ADGRL3: variants seen among roughly 807,000 people sequenced by gnomAD.
ADGRL3 encodes the protein calcium-independent alpha-latrotoxin receptor 3.
A neutral mutation model predicts 153.5 loss-of-function variants in ADGRL3; 62 were observed. The observed-to-expected ratio is 0.40, with a 90% CI of 0.33 to 0.50. The LOEUF (loss-of-function observed/expected upper bound fraction) is 0.50. Ranked by LOEUF, ADGRL3 falls within the 20% of genes least tolerant of loss-of-function variation. ADGRL3 has a pLI of 0.47. For synonymous variants in ADGRL3, 710 were observed against 672.5 expected (o/e 1.06, Z -0.86); for missense variants, 1,641 against 1,859.4 (o/e 0.88, Z 2.16).
intron 5 of ADGRL3, among the ~76,000 whole-genome samples, chr4:61,604,246 G>T (rs2099023286): frequency 6.6e-6 from 1 of 152,060 alleles, no homozygotes; most frequent in Non-Finnish European, 1.5e-5. Context: ...GCTGAGACCT[G>T]GATGCCTTCA....
intron 4 of ADGRL3, among the ~76,000 whole-genome samples, chr4:61,530,159 C>G (rs1381655443): frequency 1.3e-5 from 2 of 152,040 alleles, no homozygotes; most frequent in African/African-American, 2.4e-5. Flanking sequence ...CAGATTTGGA[C>G]ATTATCTACA....
chr4:61,730,185 A>G (rs1019903560), intron 6 of ADGRL3, among the ~76,000 whole-genome samples: 2 of 151,920 alleles, frequency 1.3e-5, no homozygotes, highest in Non-Finnish European at 2.9e-5. Context: ...TTTGAAATGC[A>G]TAGAAAGCAC....
chr4:61,234,099 C>T (rs952290137), intron 1 of ADGRL3, among the ~76,000 whole-genome samples: 1 of 151,960 alleles, frequency 6.6e-6, no homozygotes, highest in Non-Finnish European at 1.5e-5. Flanking sequence ...TAGAATTGGG[C>T]TAGAGGTATA....
chr4:62,042,587 T>C (rs1560543826), intron 24 of ADGRL3, among the ~76,000 whole-genome samples: 1 of 151,754 alleles, frequency 6.6e-6, no homozygotes, highest in African/African-American at 2.4e-5. Flanking sequence ...GGGAGATTAA[T>C]AGGAGATGAG....
At chr4:61,843,908 C>G (rs1323612567) in intron 9 of ADGRL3, among the ~76,000 whole-genome samples, 1 of 151,372 alleles carries the variant, frequency 6.6e-6, no homozygotes, top group Non-Finnish European at 1.5e-5. Flanking sequence ...GTTCCAGCTA[C>G]TTAGGAGGCT....
At chr4:61,811,339 T>G (rs898624373) in intron 8 of ADGRL3, among the ~76,000 whole-genome samples, 8 of 107,400 alleles carry the variant, frequency 7.4e-5, no homozygotes, top group South Asian at 2.4e-4. Flanking sequence ...AATGGATGAG[T>G]TTTTTTTTAA....
chr4:61,272,262 GT>G (rs1435030012), intron 1 of ADGRL3, among the ~76,000 whole-genome samples: 2 of 151,780 alleles, frequency 1.3e-5, no homozygotes, highest in African/African-American at 2.4e-5. Flanking sequence ...TTATGTGTCA[GT>G]TTTTTTAATT....
intron 2 of ADGRL3, among the ~76,000 whole-genome samples, chr4:61,465,758 A>AATATATATATAAATAT (rs1553936152): frequency 7.7e-6 from 1 of 130,178 alleles, no homozygotes; most frequent in Non-Finnish European, 1.6e-5. Context: ...ATTATATATA[A>AATATATATATAAATAT]ATATATATAT....
intron 8 of ADGRL3, among the ~76,000 whole-genome samples, chr4:61,803,871 C>G (rs1315794198): frequency 6.6e-6 from 1 of 151,990 alleles, no homozygotes; most frequent in Non-Finnish European, 1.5e-5. Flanking sequence ...TACCTAGTAC[C>G]TCCAAATTAT....
chr4:61,935,937 A>G lies in ADGRL3; in HGVS notation c.2311A>G (p.Arg771Gly), dbSNP rs1261091236. The G allele has an allele frequency of 6.3e-7, 1 of 1,594,584 alleles. No individual in the cohort carries two copies. The highest frequency in any genetic ancestry group is 1.8e-5 in the Admixed American group (1 of 56,946). Residue 771 changes from arginine (R) to glycine (G), a missense_variant, in exon 15 of 27, where the codon AGA becomes GGA. Physicochemically the swap from Arg to Gly is moderately radical, Grantham distance 125. Transcript: ENST00000683033. ...GATATTAACAGAATTGGAAGTTGCA[A>G]GACTGAGCACAGAAGGAAACTTAGA... The part of the protein sequence containing the change: ...NTDNIKLEVA[R>G]LSTEGNLEDL...
At chr4:61,457,870 A>C (rs1043377585) in intron 2 of ADGRL3, among the ~76,000 whole-genome samples, 6 of 151,498 alleles carry the variant, frequency 4.0e-5, no homozygotes, top group African/African-American at 1.5e-4. Flanking sequence ...AGATAGATAG[A>C]TAGATAGATA....
At chr4:62,052,754 T>G in intron 25 of ADGRL3, among the ~76,000 whole-genome samples, 1 of 151,318 alleles carries the variant, frequency 6.6e-6, no homozygotes, top group Admixed American at 6.6e-5. Flanking sequence ...TAAAGAGCTT[T>G]TCCCTATAAT....
At chr4:61,634,473 G>A (rs1214147787) in intron 5 of ADGRL3, among the ~76,000 whole-genome samples, 1 of 152,030 alleles carries the variant, frequency 6.6e-6, no homozygotes, top group Non-Finnish European at 1.5e-5. Context: ...AAATTAAATG[G>A]CATAATATGT....
chr4:61,417,203 G>A (rs532141302), intron 2 of ADGRL3, among the ~76,000 whole-genome samples: 6 of 152,154 alleles, frequency 3.9e-5, no homozygotes, highest in Admixed American at 2.6e-4. Flanking sequence ...TTAAATAATT[G>A]ACAAACAAGA....
At chr4:61,813,939 GA>G in intron 9 of ADGRL3, 50 bp downstream of exon 9, 13 of 1,600,398 alleles carry the variant, frequency 8.1e-6, no homozygotes, top group Non-Finnish European at 1.1e-5. Flanking sequence ...ATTCTTTGAT[GA>G]AAGCAATGAT....
chr4:61,528,368 AC>A (rs1457949242), intron 4 of ADGRL3, among the ~76,000 whole-genome samples: 1 of 152,034 alleles, frequency 6.6e-6, no homozygotes, highest in Non-Finnish European at 1.5e-5. Context: ...ACACTATCAT[AC>A]CTAGTATGTT....
chr4:61,360,339 A>T (rs1257462019), intron 1 of ADGRL3, among the ~76,000 whole-genome samples: 1 of 152,182 alleles, frequency 6.6e-6, no homozygotes, highest in African/African-American at 2.4e-5. Context: ...AAAAGATGAT[A>T]TATGAAAAAT....
At position 61,225,371 on chromosome 4, in the gene ADGRL3, T is replaced by C. The variant is rs551487881; in HGVS notation, c.-240+23606T>C. Among the ~76,000 whole-genome samples, 6 of 152,294 alleles carry C rather than the reference T, an allele frequency of 3.9e-5. 1 individual carries two copies. The South Asian group carries it at 1.0e-3, about 26-fold the overall frequency. On this transcript the variant is annotated intron_variant, in intron 1 of 26. Transcript: ENST00000683033. Reference sequence around the variant, plus strand: ...AAGGGCTATGTAAAACCAAATACTTTAGAAACATTCAGTTTTATATAGCTG... The same window carrying C: ...AAGGGCTATGTAAAACCAAATACTTCAGAAACATTCAGTTTTATATAGCTG...
chr4:61,452,346 A>C lies in ADGRL3; in HGVS notation c.-173-44775A>C, dbSNP rs138027536. On this transcript the variant is annotated intron_variant, in intron 2 of 26. Transcript: ENST00000683033. ...GCCCAGTTCTGCTTCCCTTCTGCCC[A>C]GTTCTGCTTCCCTTTCTTCTTGGGT... 9.2e-5 allele frequency among the ~76,000 whole-genome samples: 12 copies of C among 130,576 alleles called. No individual in the cohort carries two copies. The East Asian group carries it at 2.4e-3, about 26-fold the overall frequency. 85.7% of individuals were successfully genotyped at this position (130,576 alleles called of 152,430 possible).
Sources: allele counts gnomAD v4.1 joint callset (sites outside exome capture counted in the v4.1 genomes callset), GRCh38; gene constraint gnomAD v4.1.1; transcripts MANE v1.5; gene names NCBI Gene and HGNC (gene_info 2026-07-23, HGNC 2026-07-21).